The following COPG2 variants were observed in gnomAD, a reference collection of about 807,000 sequenced individuals.
The protein encoded by COPG2 is coat protein complex I subunit gamma 2.
Under a neutral mutation model 46.3 loss-of-function variants are expected in COPG2, and 37 were observed. That is an observed-to-expected ratio of 0.80 (90% CI 0.61 to 1.05). The LOEUF (loss-of-function observed/expected upper bound fraction) is 1.05, where lower values mean the gene tolerates loss of function less well. Among genes scored for constraint, COPG2 ranks in the 50% least tolerant of loss-of-function variants. The pLI, the probability that COPG2 is intolerant of heterozygous loss-of-function variation, is 0.00. For synonymous variants in COPG2, 159 were observed against 129.7 expected, an observed-to-expected ratio of 1.23 and a Z score of -1.53; for missense variants, 427 against 387.8, an observed-to-expected ratio of 1.10 and a Z score of -0.85.
chr7:130,662,772 C>T (rs1354611945), intron 4 of COPG2, among the ~76,000 whole-genome samples, 195 bp downstream of exon 4: 3 of 152,176 alleles, frequency 2.0e-5, no homozygotes, highest in African/African-American at 7.2e-5. Flanking sequence ...GGTAGATCTG[C>T]AGGGAAAAGT....
intron 20 of COPG2, among the ~76,000 whole-genome samples, chr7:130,529,500 G>T (rs965006792): frequency 3.3e-5 from 5 of 152,136 alleles, no homozygotes; most frequent in African/African-American, 7.2e-5. Flanking sequence ...ATTGGTAAAG[G>T]GGCCAAGTGA....
At chr7:130,632,785 T>G (rs1267118016) in intron 5 of COPG2, among the ~76,000 whole-genome samples, 2 of 152,154 alleles carry the variant, frequency 1.3e-5, no homozygotes, top group African/African-American at 4.8e-5. Flanking sequence ...GGGATACATG[T>G]GCGGAACATG....
intron 9 of COPG2, among the ~76,000 whole-genome samples, chr7:130,593,784 T>A (rs1373776010): frequency 6.6e-6 from 1 of 151,972 alleles, no homozygotes; most frequent in Non-Finnish European, 1.5e-5. Context: ...ATGAAACAAT[T>A]CCAGGTAGAT....
At chr7:130,634,445 T>G (rs988517984) in intron 5 of COPG2, among the ~76,000 whole-genome samples, 1 of 152,198 alleles carries the variant, frequency 6.6e-6, no homozygotes, top group East Asian at 1.9e-4. Flanking sequence ...CCATCCCTTA[T>G]AAGTTGAATT....
chr7:130,611,653 A>G (rs1554452100), intron 8 of COPG2, among the ~76,000 whole-genome samples: 6 of 152,236 alleles, frequency 3.9e-5, no homozygotes. Context: ...AAGAGGGCAT[A>G]AACGCCCTCT....
chr7:130,656,815 A>G lies in COPG2; in HGVS notation c.244-3867T>C, dbSNP rs372256262. Among the ~76,000 whole-genome samples the G allele has an allele frequency of 5.3e-5, 8 of 152,120 alleles. No individual in the cohort carries two copies. The East Asian group carries it at 1.4e-3, about 26-fold the overall frequency. ...AAGTTAGAGAGACTTGAATAAAGGG[A>G]TATATACCATGTTTGTGAAGCAGAA... is the stretch of plus-strand genomic sequence containing the variant. On this transcript the variant is annotated intron_variant, in intron 4 of 23. Coordinates refer to ENST00000425248, the MANE Select transcript of COPG2 (RefSeq NM_012133.6).
At chr7:130,559,753 G>C (rs1430459913) in intron 12 of COPG2, among the ~76,000 whole-genome samples, 4 of 152,054 alleles carry the variant, frequency 2.6e-5, no homozygotes, top group African/African-American at 4.8e-5. Flanking sequence ...GAAAAAACTA[G>C]AACAGCAACT....
chr7:130,604,903 T>C (rs782434732), intron 9 of COPG2, among the ~76,000 whole-genome samples: 3 of 152,314 alleles, frequency 2.0e-5, no homozygotes, highest in Admixed American at 1.3e-4. Flanking sequence ...ACCGCTTTTT[T>C]CTGCACCCAT....
Position 130,554,544 on chromosome 7 carries a change from G to A in COPG2, c.1405C>T (p.Pro469Ser), listed in dbSNP as rs2116391999. 2.5e-6 allele frequency: 1 copy of A among 398,568 alleles called. No individual in the cohort carries two copies. The highest frequency in any genetic ancestry group is 3.6e-5 in the East Asian group (1 of 28,078). 24.7% of individuals were successfully genotyped at this position (398,568 alleles called of 1,614,324 possible). A position where few individuals can be genotyped will look rare whatever the true frequency, so the allele number is the denominator to read the frequency against. Residue 469 changes from proline (P) to serine (S), a missense_variant, in exon 14 of 24, where the codon CCC becomes TCC. Coordinates refer to ENST00000425248, the MANE Select transcript of COPG2 (RefSeq NM_012133.6). ...LGKEGPRTPV[P>S]SKYIRFIFNR... is the part of the protein sequence containing the mutation. ...AAAATAAAACGGATATATTTGGAGG[G>A]GACAGGCGTTCTAGGGCCCTCTTTG...
At chr7:130,565,006 A>T (rs1793779794) in intron 9 of COPG2, among the ~76,000 whole-genome samples, 1 of 152,230 alleles carries the variant, frequency 6.6e-6, no homozygotes, top group East Asian at 1.9e-4. Flanking sequence ...GGCAAACAAG[A>T]GGCTGGCCAA....
chr7:130,563,750 C>A (rs1182106932), intron 10 of COPG2, among the ~76,000 whole-genome samples: 3 of 119,528 alleles, frequency 2.5e-5, no homozygotes, highest in Non-Finnish European at 3.3e-5. Context: ...AGTGAGACTC[C>A]GTCTCAAAAA....
chr7:130,555,977 C>T (rs1005713950), intron 12 of COPG2, among the ~76,000 whole-genome samples: 21,982 of 152,198 alleles, frequency 0.14, 2,893 homozygotes, highest in African/African-American at 0.35. Context: ...CCTGGCTCAG[C>T]GATGAAAGAC....
At position 130,554,534 on chromosome 7, in the gene COPG2, T is replaced by C; in HGVS notation, c.1415A>G (p.Tyr472Cys). Residue 472 changes from tyrosine to cysteine, a missense_variant, in exon 14 of 24, where the codon TAT becomes TGT. Tyr to Cys is a radical substitution (Grantham distance 194). Coordinates refer to ENST00000425248, the MANE Select transcript of COPG2 (RefSeq NM_012133.6). ...EGPRTPVPSK[Y>C]IRFIFNRVVL... The stretch of plus-strand genomic sequence containing the variant: ...AACCCTATTAAAAATAAAACGGATA[T>C]ATTTGGAGGGGACAGGCGTTCTAGG... The C allele has an allele frequency of 5.0e-6, 2 of 398,540 alleles. No homozygotes were observed. Among genetic ancestry groups the C allele is most frequent in the Non-Finnish European group, 4.4e-6 (1 of 226,074 alleles). 24.7% of individuals were successfully genotyped at this position (398,540 alleles called of 1,614,324 possible).
chr7:130,574,331 G>A (rs1340157451), intron 9 of COPG2, among the ~76,000 whole-genome samples: 4 of 152,200 alleles, frequency 2.6e-5, no homozygotes, highest in Admixed American at 6.5e-5. Context: ...GGATGGCTGA[G>A]GCAGGTGGAT....
In COPG2 at chr7:130,556,202, T is replaced by C. The variant is rs1040312185; in HGVS notation, c.1129-1070A>G. On this transcript the variant is annotated intron_variant, in intron 12 of 23. Coordinates refer to ENST00000425248, the MANE Select transcript of COPG2 (RefSeq NM_012133.6). ...TCCTTTTTTCCGAAGGAAAACATTA[T>C]TATATTGGACCATAAACATGTTTAC... Among the ~76,000 whole-genome samples the C allele has an allele frequency of 3.3e-5, 5 of 152,272 alleles. No homozygotes were observed. The East Asian group carries it at 7.7e-4, about 24-fold the overall frequency.
At chr7:130,586,781 T>G (rs1399099389) in intron 9 of COPG2, among the ~76,000 whole-genome samples, 1 of 151,920 alleles carries the variant, frequency 6.6e-6, no homozygotes, top group Admixed American at 6.6e-5. Flanking sequence ...AAAAATTTTC[T>G]AAAAAATAAG....
At chr7:130,543,323 T>G (rs1793374496) in intron 20 of COPG2, among the ~76,000 whole-genome samples, 1 of 152,144 alleles carries the variant, frequency 6.6e-6, no homozygotes, top group Admixed American at 6.5e-5. Context: ...TCAGAGTTGG[T>G]AGGGTGGGTA....
chr7:130,507,884 G>T, intron 21 of COPG2, 61 bp from the exon 22 acceptor site: 2 of 759,462 alleles, frequency 2.6e-6, no homozygotes, highest in South Asian at 2.8e-5. Flanking sequence ...AAAGATAAAG[G>T]AACTAGTCAA....
At chr7:130,657,607 C>A (rs536040920) in intron 4 of COPG2, among the ~76,000 whole-genome samples, 2 of 152,220 alleles carry the variant, frequency 1.3e-5, no homozygotes, top group East Asian at 3.9e-4. Context: ...AAGCCATATA[C>A]TGAGAGACAA....
Sources: allele counts gnomAD v4.1 joint callset (sites outside exome capture counted in the v4.1 genomes callset), GRCh38; gene constraint gnomAD v4.1.1; transcripts MANE v1.5; gene names NCBI Gene and HGNC (gene_info 2026-07-23, HGNC 2026-07-21).